THBS2: variants seen among roughly 807,000 people sequenced by gnomAD.
THBS2 encodes the protein thrombospondin 2.
In THBS2, 47 loss-of-function variants were observed where a neutral mutation model predicts 135.2. The ratio of observed to expected loss-of-function variants is 0.35; its 90% confidence interval spans 0.28 to 0.44. The LOEUF (loss-of-function observed/expected upper bound fraction) is 0.44. THBS2 is among the 20% of genes least tolerant of loss of function. The pLI is 1.00. For synonymous variants in THBS2, 639 were observed against 633.8 expected, an observed-to-expected ratio of 1.01 and a Z score of -0.12; for missense variants, 1,288 against 1,603.1, an observed-to-expected ratio of 0.80 and a Z score of 3.36.
In THBS2 at chr6:169,233,030, A is replaced by C; in HGVS notation, c.1652-13T>G. ...GATAAACAGCCATCTGGGTGGGAGA[A>C]GGCGGAGCAGAGTTCACCACGCGCC... On this transcript the variant is annotated splice_polypyrimidine_tract_variant and intron_variant, in intron 10 of 21. Coordinates refer to ENST00000617924, the MANE Select transcript of THBS2 (RefSeq NM_003247.5). 6.5e-7 allele frequency: 1 copy of C among 1,529,386 alleles called. No homozygotes were observed. Among genetic ancestry groups the C allele is most frequent in the Non-Finnish European group, 8.8e-7 (1 of 1,142,378 alleles). The allele number at this position is 1,529,386 out of a possible 1,614,324, so 94.7% of individuals were successfully genotyped here.
intron 10 of THBS2, among the ~76,000 whole-genome samples, chr6:169,234,273 A>G (rs1182781314): frequency 6.7e-6 from 1 of 150,136 alleles, no homozygotes; most frequent in African/African-American, 2.5e-5. Context: ...AACTATCTAC[A>G]TGCTATGTTC....
At chr6:169,248,310 G>T in intron 3 of THBS2, 107 bp downstream of exon 3, 2 of 1,342,852 alleles carry the variant, frequency 1.5e-6, no homozygotes, top group Non-Finnish European at 2.0e-6. Flanking sequence ...GCTTCTCTAA[G>T]GCCAGGCTCT....
At chr6:169,235,977 C>G (rs1337233151) in intron 9 of THBS2, among the ~76,000 whole-genome samples, 4 of 107,158 alleles carry the variant, frequency 3.7e-5, no homozygotes, top group Admixed American at 8.7e-5. Flanking sequence ...CCCATCCACA[C>G]TCACTCCCCC....
rs1412545289 is a variant in THBS2, at chr6:169,252,439, T to C, written c.-23+1285A>G. Among the ~76,000 whole-genome samples, 1 of 152,194 alleles carries C rather than the reference T, an allele frequency of 6.6e-6. No individual in the cohort carries two copies. Among genetic ancestry groups the C allele is most frequent in the African/African-American group, 2.4e-5 (1 of 41,434 alleles). On this transcript the variant is annotated intron_variant, in intron 1 of 21. Transcript: ENST00000617924. The surrounding 1 kb of genome is among the most constrained non-coding windows in gnomAD (Gnocchi z 4.3). ...AAGGACAGCTGTGTGGGGCTGGCCC[T>C]GCAGAGGCCAGCCAAGAACAGGATG...
intron 13 of THBS2, 78 bp downstream of exon 13, chr6:169,231,902 C>A (rs1435067851): frequency 7.3e-7 from 1 of 1,368,188 alleles, no homozygotes; most frequent in Non-Finnish European, 1.0e-6. Context: ...CCCCGCCCCC[C>A]GTCCGCGTAG....
chr6:169,247,733 T>C (rs992610216), intron 3 of THBS2, among the ~76,000 whole-genome samples: 1 of 152,058 alleles, frequency 6.6e-6, no homozygotes, highest in African/African-American at 2.4e-5. Flanking sequence ...CACATGTGCA[T>C]GCATGAGTGT....
intron 13 of THBS2, among the ~76,000 whole-genome samples, chr6:169,231,520 G>A (rs1213080763): frequency 3.3e-5 from 5 of 152,310 alleles, no homozygotes; most frequent in Admixed American, 2.0e-4. Context: ...GATGGGCCCC[G>A]AAGGAGCTCC....
At chr6:169,234,680 T>C in intron 10 of THBS2, 54 bp downstream of exon 10, 1 of 1,420,156 alleles carries the variant, frequency 7.0e-7, no homozygotes, top group Non-Finnish European at 9.3e-7. Flanking sequence ...GTTTGTGCTT[T>C]TCATCAGAAT....
rs369745559 is a variant in THBS2 at position 169,237,576 on chromosome 6, C to T, written c.1300+49G>A. 192 of 1,606,380 alleles carry T rather than the reference C, an allele frequency of 1.2e-4. No homozygotes were observed. The East Asian group carries it at 1.3e-3, about 11-fold the overall frequency. On this transcript the variant is annotated intron_variant, in intron 8 of 21. Coordinates refer to ENST00000617924, the MANE Select transcript of THBS2 (RefSeq NM_003247.5). Reference sequence around the variant, plus strand: ...CAAAGGTCCCGATGACTGAGAGAAACGCGGCCCCACCCCCACAGGCACGCG... The same window carrying T: ...CAAAGGTCCCGATGACTGAGAGAAATGCGGCCCCACCCCCACAGGCACGCG...
At chr6:169,229,844 T>A (rs1353482889) in intron 13 of THBS2, among the ~76,000 whole-genome samples, 165 bp from the exon 14 acceptor site, 4 of 152,206 alleles carry the variant, frequency 2.6e-5, no homozygotes, top group African/African-American at 4.8e-5. Context: ...CAGAAGCGCA[T>A]GAATTTCTTC....
At chr6:169,232,236 G>A (rs758215514) in intron 12 of THBS2, 38 bp from the exon 13 acceptor site, 1 of 1,607,176 alleles carries the variant, frequency 6.2e-7, no homozygotes. Flanking sequence ...CGACAGGCAG[G>A]ACGATGGCTC....
chr6:169,223,514 A>AAAACAG, intron 17 of THBS2, 39 bp from the exon 18 acceptor site: 1 of 1,579,910 alleles, frequency 6.3e-7, no homozygotes, highest in South Asian at 1.1e-5. Flanking sequence ...AACAAAAACA[A>AAAACAG]AGAAGCAAAG....
In THBS2 at chr6:169,228,241, T is replaced by A; in HGVS notation, c.2300A>T (p.Tyr767Phe). 1 of 1,614,154 alleles carries A rather than the reference T, an allele frequency of 6.2e-7. No individual in the cohort carries two copies. The highest frequency in any genetic ancestry group is 8.5e-7 in the Non-Finnish European group (1 of 1,180,032). The change falls in exon 15 of 22, where the codon TAT becomes TTT. Residue 767 changes from tyrosine to phenylalanine, a missense_variant. Transcript: ENST00000617924. ...GCGGTCCCCAACCTCATCCTTGTCA[T>A]AGTCAGCCTGGCGGGGATTGAAGAG... ...QLLFNPRQAD[Y>F]DKDEVGDRCD...
At position 169,252,325 on chromosome 6, in the gene THBS2, T is replaced by C. The variant is rs1276042769; in HGVS notation, c.-23+1399A>G. Among the ~76,000 whole-genome samples, 1 of 152,090 alleles carries C rather than the reference T, an allele frequency of 6.6e-6. No individual in the cohort carries two copies. Among genetic ancestry groups the C allele is most frequent in the Non-Finnish European group, 1.5e-5 (1 of 68,024 alleles). ...TGCAGTAAGCACCACAGAACGGTGT[T>C]AGAATACACAGCTCAGGTACAGCCT... On this transcript the variant is annotated intron_variant, in intron 1 of 21. Transcript: ENST00000617924. This position sits in a 1 kb window ranked among gnomAD's most constrained non-coding sequence, Gnocchi z 4.3.
intron 4 of THBS2, among the ~76,000 whole-genome samples, chr6:169,245,588 C>G (rs184979370): frequency 7.5e-4 from 114 of 152,138 alleles, no homozygotes; most frequent in African/African-American, 1.6e-3. Flanking sequence ...GTCAGGAGAT[C>G]GAGACCATCT....
At position 169,241,831 on chromosome 6, in the gene THBS2, T is replaced by C; in HGVS notation, c.822A>G (p.Gly274=). 1 of 1,612,798 alleles carries C rather than the reference T, an allele frequency of 6.2e-7. No homozygotes were observed. Among genetic ancestry groups the C allele is most frequent in the South Asian group, 1.1e-5 (1 of 91,074 alleles). ...GCCCCGAGAGCTCCTGGACCATGTT[T>C]CCCAGCTCCTCGCACGAGCGTTCGC... is the stretch of plus-strand genomic sequence containing the variant. ...EVCERSCEEL[G]NMVQELSGLH... Residue 274 remains glycine, a synonymous_variant, in exon 5 of 22, where the codon GGA becomes GGG. Transcript: ENST00000617924. The surrounding 1 kb of genome is among the most constrained non-coding windows in gnomAD (Gnocchi z 5.5).
In THBS2 at chr6:169,241,068, C is replaced by G. The variant is rs1187628385; in HGVS notation, c.892-476G>C. 1.3e-5 allele frequency among the ~76,000 whole-genome samples: 2 copies of G among 151,306 alleles called. No homozygotes were observed. The highest frequency in any genetic ancestry group is 2.1e-4 in the South Asian group (1 of 4,748). On this transcript the variant is annotated intron_variant, in intron 5 of 21. Transcript: ENST00000617924. The surrounding 1 kb of genome is among the most constrained non-coding windows in gnomAD (Gnocchi z 5.5). ...CTCGCCGCCCTCCCTGCCCCGGACT[C>G]CTGCCCCTGCCGCCCTCCCTGCCCT...
At position 169,237,688 on chromosome 6, in the gene THBS2, T is replaced by G. The variant is rs1029412945; in HGVS notation, c.1237A>C (p.Asn413His). Residue 413 changes from asparagine (N) to histidine (H), a missense_variant, in exon 8 of 22, where the codon AAC becomes CAC. Around this residue, in one of 2 missense-constraint regions of THBS2, gnomAD observed 874 missense variants for 1,156.1 expected, o/e 0.76. Coordinates refer to ENST00000617924, the MANE Select transcript of THBS2 (RefSeq NM_003247.5). ...QRGRSCDVTS[N>H]TCLGPSIQTR... ...TGGATGGAGGGCCCCAAGCAGGTGTTGCTGGTGACGTCACAGGACCGGCCT... is the reference window on the plus strand; with the variant it reads ...TGGATGGAGGGCCCCAAGCAGGTGTGGCTGGTGACGTCACAGGACCGGCCT... 9.9e-6 allele frequency: 16 copies of G among 1,612,976 alleles called. No homozygotes were observed. The highest frequency in any genetic ancestry group is 1.4e-5 in the Non-Finnish European group (16 of 1,179,944).
chr6:169,242,150 C>A (rs1486637357), intron 4 of THBS2, among the ~76,000 whole-genome samples, 192 bp from the exon 5 acceptor site: 1 of 152,100 alleles, frequency 6.6e-6, no homozygotes, highest in Non-Finnish European at 1.5e-5. Context: ...CCCAGAGTGG[C>A]CTGGTGCTGG....
Sources: gnomAD v4.1 joint callset for allele counts (sites outside exome capture counted in the v4.1 genomes callset) on GRCh38, gnomAD v4.1.1 for gene constraint, gnomAD v4.1.1 regional missense constraint, Gnocchi (gnomAD v3.1) non-coding constraint, MANE v1.5 for transcripts, NCBI Gene and HGNC (gene_info 2026-07-23, HGNC 2026-07-21) for gene names.